NPR3: variants seen among roughly 807,000 people sequenced by gnomAD.
NPR3 encodes atrial natriuretic peptide receptor 3.
Under a neutral mutation model 54.5 loss-of-function variants are expected in NPR3, and 34 were observed. The ratio of observed to expected loss-of-function variants is 0.62; its 90% CI spans 0.47 to 0.83. The LOEUF (loss-of-function observed/expected upper bound fraction) is 0.83. Ranked by LOEUF, NPR3 falls within the 40% of genes least tolerant of loss-of-function variation. NPR3 has a pLI of 0.00. For missense variants in NPR3, 674 were observed against 720.8 expected (o/e 0.94, Z 0.74); for synonymous variants, 289 against 297.1 (o/e 0.97, Z 0.28).
chr5:32,702,180 G>A (rs1737831727), intron 1 of NPR3, among the ~76,000 whole-genome samples: 1 of 152,142 alleles, frequency 6.6e-6, no homozygotes, highest in Non-Finnish European at 1.5e-5. Context: ...GCCTAAAGTT[G>A]GAAACCTTAG....
intron 2 of NPR3, among the ~76,000 whole-genome samples, chr5:32,729,272 G>A (rs977376228): frequency 3.3e-5 from 5 of 151,770 alleles, no homozygotes; most frequent in Admixed American, 1.3e-4. Flanking sequence ...CTCGTGATCC[G>A]CCCACCTCGG....
rs929174235 is a variant in NPR3, at chr5:32,791,068, C to G, written c.*4723C>G. ...GCTGTCACGGTGCATGATAGTTGGA[C>G]AGAGATGGCTAAAAAAGAGGCAAAT... is the stretch of plus-strand genomic sequence containing the variant. On this transcript the variant is annotated 3_prime_UTR_variant, in exon 8 of 8. Transcript: ENST00000265074. 2 of 167,064 alleles carry G rather than the reference C, an allele frequency of 1.2e-5. No homozygotes were observed. The highest frequency in any genetic ancestry group is 2.9e-5 in the Non-Finnish European group (2 of 68,120). 10.3% of individuals were successfully genotyped at this position (167,064 alleles called of 1,614,324 possible).
chr5:32,732,469 G>T (rs1331315222), intron 2 of NPR3, among the ~76,000 whole-genome samples: 1 of 152,120 alleles, frequency 6.6e-6, no homozygotes, highest in African/African-American at 2.4e-5. Flanking sequence ...AGTGACAGGG[G>T]ATATCAGGGA....
upstream of NPR3, among the ~76,000 whole-genome samples, chr5:32,706,380 C>A (rs1383915209): frequency 2.6e-5 from 4 of 152,276 alleles, no homozygotes; most frequent in East Asian, 7.7e-4. Context: ...GGGGATGAAA[C>A]ACTGCTTTAC....
At chr5:32,702,079 G>T (rs765794900) in intron 1 of NPR3, among the ~76,000 whole-genome samples, 1 of 152,042 alleles carries the variant, frequency 6.6e-6, no homozygotes, top group Non-Finnish European at 1.5e-5. Context: ...ATTAACAGGT[G>T]GAAAAGCCAG....
intron 1 of NPR3, among the ~76,000 whole-genome samples, chr5:32,693,286 G>A (rs1490880251): frequency 6.6e-6 from 1 of 151,608 alleles, no homozygotes; most frequent in Non-Finnish European, 1.5e-5. Flanking sequence ...TCCTTTTATT[G>A]TTTCGTTCTT....
intron 2 of NPR3, among the ~76,000 whole-genome samples, chr5:32,734,859 G>A (rs566584095): frequency 6.6e-6 from 1 of 152,246 alleles, no homozygotes; most frequent in Admixed American, 6.5e-5. Context: ...CCGCTCTAGA[G>A]CATTCGATCT....
intron 3 of NPR3, among the ~76,000 whole-genome samples, chr5:32,747,394 A>G (rs1740355867): frequency 6.6e-6 from 1 of 152,220 alleles, no homozygotes; most frequent in Non-Finnish European, 1.5e-5. Context: ...AGCTAAAAAA[A>G]TTCAGAGCTT....
At chr5:32,764,492 C>CA (rs1561120558) in intron 3 of NPR3, among the ~76,000 whole-genome samples, 1 of 151,750 alleles carries the variant, frequency 6.6e-6, no homozygotes, top group South Asian at 2.1e-4. Flanking sequence ...AGTAGTTCTT[C>CA]AAAAAAAGAA....
rs1742646936 is a variant in NPR3 at position 32,786,590 on chromosome 5, C to T, written c.*245C>T. 2.1e-6 allele frequency: 1 copy of T among 467,380 alleles called. No homozygotes were observed. The highest frequency in any genetic ancestry group is 4.4e-5 in the East Asian group (1 of 22,772). 29.0% of individuals were successfully genotyped at this position (467,380 alleles called of 1,614,324 possible). ...CGTGTCACTCTGTTAAATGTTCATA[C>T]TGTTTCAAGCCCATATGATTAGATT... On this transcript the variant is annotated 3_prime_UTR_variant, in exon 8 of 8. Coordinates refer to ENST00000265074, the MANE Select transcript of NPR3 (RefSeq NM_001204375.2).
intron 4 of NPR3, 120 bp from the exon 5 acceptor site, chr5:32,780,602 T>G (rs1209594356): frequency 1.5e-4 from 107 of 737,108 alleles, no homozygotes; most frequent in East Asian, 2.3e-4. Context: ...CAGAGTCTGA[T>G]GAGATTCCCT....
chr5:32,721,003 T>C (rs550574734), intron 1 of NPR3, among the ~76,000 whole-genome samples: 1 of 152,296 alleles, frequency 6.6e-6, no homozygotes, highest in East Asian at 1.9e-4. Flanking sequence ...TTCTAAACCT[T>C]TTGATTGTAT....
upstream of NPR3, among the ~76,000 whole-genome samples, chr5:32,709,175 C>T (rs1738085841): frequency 6.6e-6 from 1 of 152,052 alleles, no homozygotes; most frequent in Non-Finnish European, 1.5e-5. Flanking sequence ...AAACCCACAC[C>T]ACACGCGGCA....
chr5:32,699,652 GA>G (rs1162672298), intron 1 of NPR3, among the ~76,000 whole-genome samples: 1 of 152,104 alleles, frequency 6.6e-6, no homozygotes, highest in Non-Finnish European at 1.5e-5. Flanking sequence ...TGTATGTCTT[GA>G]AAAGTTGTTG....
Position 32,790,069 on chromosome 5 carries a change from A to G in NPR3, c.*3724A>G, listed in dbSNP as rs937473225. 1.0e-5 allele frequency: 2 copies of G among 196,354 alleles called. No individual in the cohort carries two copies. Among genetic ancestry groups the G allele is most frequent in the African/African-American group, 4.7e-5 (2 of 42,314 alleles). The allele number at this position is 196,354 out of a possible 1,614,324, so 12.2% of individuals were successfully genotyped here. A position where few individuals can be genotyped will look rare whatever the true frequency, so the allele number is the denominator to read the frequency against. ...CCCCATGGTTTGGGGCTACATGAGGAAGTTGGTAATGAGCTGAATTTCTTA... is the reference window on the plus strand; with the variant it reads ...CCCCATGGTTTGGGGCTACATGAGGGAGTTGGTAATGAGCTGAATTTCTTA... On this transcript the variant is annotated 3_prime_UTR_variant, in exon 8 of 8. Coordinates refer to ENST00000265074, the MANE Select transcript of NPR3 (RefSeq NM_001204375.2).
In NPR3 at chr5:32,769,007, T is replaced by C. The variant is rs866836061; in HGVS notation, c.1060-5701T>C. The stretch of plus-strand genomic sequence containing the variant: ...TCCACTGGGATAAAGGCGCAGATTT[T>C]CAGCTTAACTTTCCTCAAGGCTAAA... On this transcript the variant is annotated intron_variant, in intron 3 of 7. Transcript: ENST00000265074. Among the ~76,000 whole-genome samples the C allele has an allele frequency of 5.3e-5, 8 of 152,166 alleles. No individual in the cohort carries two copies. In the South Asian group the frequency reaches 1.7e-3, roughly 31 times the overall value.
chr5:32,788,708 G>A lies in NPR3; in HGVS notation c.*2363G>A, dbSNP rs1383209732. On this transcript the variant is annotated 3_prime_UTR_variant, in exon 8 of 8. Coordinates refer to ENST00000265074, the MANE Select transcript of NPR3 (RefSeq NM_001204375.2). ...AGAGGAATAGTCCTAAACTTAATAT[G>A]ATAGCTCTAGATAAGATCTTAGAGA... The A allele has an allele frequency of 1.3e-5, 2 of 152,178 alleles. No individual in the cohort carries two copies. Among genetic ancestry groups the A allele is most frequent in the Non-Finnish European group, 2.9e-5 (2 of 68,032 alleles). The allele number at this position is 152,178 out of a possible 1,614,324, so 9.4% of individuals were successfully genotyped here.
chr5:32,784,892 G>C lies in NPR3; in HGVS notation c.1514+9G>C, dbSNP rs377341709. The C allele has an allele frequency of 6.3e-6, 10 of 1,581,564 alleles. No homozygotes were observed. The African/African-American group carries it at 8.1e-5, about 13-fold the overall frequency. On this transcript the variant is annotated intron_variant, in intron 7 of 7. Transcript: ENST00000265074. ...GCCTTCTACTTTTTCAGGTGAGGAC[G>C]GTTTGTAAAGGTACAATTCACTCTC...
At position 32,772,608 on chromosome 5, in the gene NPR3, A is replaced by G. The variant is rs560320143; in HGVS notation, c.1060-2100A>G. ...ACTGAGTGTAAAATGGGCCAATAACATACATGATACCTGTAAGAAAATCAC... is the reference window on the plus strand; with the variant it reads ...ACTGAGTGTAAAATGGGCCAATAACGTACATGATACCTGTAAGAAAATCAC... On this transcript the variant is annotated intron_variant, in intron 3 of 7. Coordinates refer to ENST00000265074, the MANE Select transcript of NPR3 (RefSeq NM_001204375.2). Among the ~76,000 whole-genome samples the G allele has an allele frequency of 9.2e-5, 14 of 152,370 alleles. No homozygotes were observed. The East Asian group carries it at 1.7e-3, about 19-fold the overall frequency.
Sources: gnomAD v4.1 joint callset for allele counts (sites outside exome capture counted in the v4.1 genomes callset) on GRCh38, gnomAD v4.1.1 for gene constraint, MANE v1.5 for transcripts, NCBI Gene and HGNC (gene_info 2026-07-23, HGNC 2026-07-21) for gene names.